Variants in COL23A1 observed in about 807,000 individuals in gnomAD.
The protein encoded by COL23A1 is collagen alpha-1(XXIII) chain.
Under a neutral mutation model 99.3 loss-of-function variants are expected in COL23A1, and 97 were observed. The ratio of observed to expected loss-of-function variants is 0.98; its 90% CI spans 0.83 to 1.16. COL23A1 has a LOEUF of 1.16. Ranked by LOEUF, COL23A1 falls within the 50% of genes most tolerant of loss-of-function variation. The pLI is 0.00. For synonymous variants in COL23A1, 320 were observed against 308.2 expected (o/e 1.04, Z -0.40); for missense variants, 762 against 757.4 (o/e 1.01, Z -0.07).
Position 178,546,661 on chromosome 5 carries a change from C to T in COL23A1, c.361+14021G>A, listed in dbSNP as rs114456256. Among the ~76,000 whole-genome samples, 608 of 152,322 alleles carry T rather than the reference C, an allele frequency of 4.0e-3. 6 individuals carry two copies. Among genetic ancestry groups the T allele is most frequent in the African/African-American group, 0.014 (585 of 41,574 alleles). On this transcript the variant is annotated intron_variant, in intron 2 of 28. Transcript: ENST00000390654. ...CAGAGTGGGACTGGGATGAGGGAAC[C>T]AAATGCAAGGATGAAGGGAAAACAG...
chr5:178,246,421 C>G lies in COL23A1; in HGVS notation c.1329G>C (p.Ala443=), dbSNP rs574013195. Reference sequence around the variant, plus strand: ...GGCCGCTGGGGCCTCTCTCACCCGACGCACCCTTCTCTCCCTTTGCTCCAT... The same window carrying G: ...GGCCGCTGGGGCCTCTCTCACCCGAGGCACCCTTCTCTCCCTTTGCTCCAT... ...GLDGAKGEKG[A]SGERGPSGLP... is the part of the protein sequence containing the mutation. Residue 443 remains alanine (A), a synonymous_variant, in exon 23 of 29, where the codon GCG becomes GCC. Coordinates refer to ENST00000390654, the MANE Select transcript of COL23A1 (RefSeq NM_173465.4). 1.3e-6 allele frequency: 2 copies of G among 1,578,992 alleles called. No homozygotes were observed. The highest frequency in any genetic ancestry group is 2.7e-5 in the African/African-American group (2 of 74,376).
intron 16 of COL23A1, among the ~76,000 whole-genome samples, chr5:178,254,742 G>A (rs548398824): frequency 7.9e-5 from 12 of 152,262 alleles, no homozygotes; most frequent in Non-Finnish European, 1.5e-4. Flanking sequence ...TCGGGGCCAC[G>A]TGGGCCACAT....
At chr5:178,272,143 T>C (rs1756325692) in intron 5 of COL23A1, among the ~76,000 whole-genome samples, 1 of 152,210 alleles carries the variant, frequency 6.6e-6, no homozygotes, top group Non-Finnish European at 1.5e-5. Flanking sequence ...CTGCCTGGAG[T>C]GCCTTCCCTG....
In COL23A1 at chr5:178,471,935, T is replaced by C. The variant is rs185955923; in HGVS notation, c.361+88747A>G. 4.6e-5 allele frequency among the ~76,000 whole-genome samples: 7 copies of C among 152,274 alleles called. No homozygotes were observed. In the East Asian group the frequency reaches 1.2e-3, roughly 25 times the overall value. ...TCCTGTTGTGCTGTCGAATCGTCAG[T>C]AAGAAACTCTTCTTTCAAGCAGTTG... is the stretch of plus-strand genomic sequence containing the variant. On this transcript the variant is annotated intron_variant, in intron 2 of 28. Transcript: ENST00000390654.
intron 2 of COL23A1, among the ~76,000 whole-genome samples, chr5:178,482,930 G>C (rs573899344): frequency 6.6e-6 from 1 of 152,070 alleles, no homozygotes; most frequent in African/African-American, 2.4e-5. Flanking sequence ...AAAAGACTTA[G>C]GCTTAGTGGT....
intron 2 of COL23A1, among the ~76,000 whole-genome samples, chr5:178,556,853 T>C (rs1200982865): frequency 6.6e-6 from 1 of 151,628 alleles, no homozygotes; most frequent in Non-Finnish European, 1.5e-5. Context: ...CTCGGGAGGC[T>C]GAGGCAGGAG....
intron 16 of COL23A1, among the ~76,000 whole-genome samples, chr5:178,252,881 T>C (rs753250018): frequency 6.6e-6 from 1 of 152,236 alleles, no homozygotes; most frequent in Non-Finnish European, 1.5e-5. Flanking sequence ...TTCTTCACGA[T>C]GTTCCCCTGC....
intron 11 of COL23A1, among the ~76,000 whole-genome samples, chr5:178,260,396 A>G (rs963359247): frequency 6.6e-6 from 1 of 152,250 alleles, no homozygotes; most frequent in African/African-American, 2.4e-5. Flanking sequence ...ATGAAAGGTC[A>G]ATGTGTATTA....
chr5:178,523,257 CAGAGAGAGAGAGAG>C (rs70997610), intron 2 of COL23A1, among the ~76,000 whole-genome samples: 1 of 108,354 alleles, frequency 9.2e-6, no homozygotes, highest in East Asian at 2.4e-4. Context: ...GAGAGAGAGA[CAGAGAGAGAGAGAG>C]AGAGAGAGCG....
intron 2 of COL23A1, among the ~76,000 whole-genome samples, chr5:178,539,900 A>G (rs1263006914): frequency 1.3e-5 from 2 of 152,200 alleles, no homozygotes; most frequent in Admixed American, 1.3e-4. Flanking sequence ...CAACATATTA[A>G]AATAATATAT....
chr5:178,524,563 C>T (rs1244015360), intron 2 of COL23A1, among the ~76,000 whole-genome samples: 3 of 152,204 alleles, frequency 2.0e-5, no homozygotes, highest in Admixed American at 1.3e-4. Context: ...GGCAAAGGTC[C>T]TGGAAATGGT....
Position 178,589,907 on chromosome 5 carries a change from C to A in COL23A1, c.291G>T (p.Arg97=). 1 of 1,314,908 alleles carries A rather than the reference C, an allele frequency of 7.6e-7. No homozygotes were observed. The highest frequency in any genetic ancestry group is 9.6e-7 in the Non-Finnish European group (1 of 1,037,876). 81.5% of individuals were successfully genotyped at this position (1,314,908 alleles called of 1,614,324 possible). A position where few individuals can be genotyped will look rare whatever the true frequency, so the allele number is the denominator to read the frequency against. Residue 97 remains arginine (R), a synonymous_variant, in exon 1 of 29, where the codon CGG becomes CGT. Transcript: ENST00000390654. The surrounding 1 kb of genome is among the most constrained non-coding windows in gnomAD (Gnocchi z 5.4). ...AGCCACGCGCCAAGACGCTCACCTCCCGCAGCAGGCGCTCCAGGTGCGGCT... is the reference window on the plus strand; with the variant it reads ...AGCCACGCGCCAAGACGCTCACCTCACGCAGCAGGCGCTCCAGGTGCGGCT... ...WAEPHLERLL[R]EKLDGLAKIR...
intron 1 of COL23A1, among the ~76,000 whole-genome samples, chr5:178,588,640 A>T (rs1028299454): frequency 1.3e-5 from 2 of 152,198 alleles, no homozygotes; most frequent in South Asian, 4.1e-4. Context: ...ATGAAGCAGC[A>T]ATTTTACCCA....
Position 178,242,545 on chromosome 5 carries a change from T to C in COL23A1, c.1441-151A>G, listed in dbSNP as rs905958844. 5.3e-6 allele frequency: 4 copies of C among 748,016 alleles called. No individual in the cohort carries two copies. In the African/African-American group the frequency reaches 6.9e-5, roughly 13 times the overall value. 46.3% of individuals were successfully genotyped at this position (748,016 alleles called of 1,614,324 possible). On this transcript the variant is annotated intron_variant, in intron 25 of 28. Transcript: ENST00000390654. Reference sequence around the variant, plus strand: ...CTGGCCTAGCCCTAGCTGTAGGTGATACACTGCTGGGTACAAGGCTGATGT... The same window carrying C: ...CTGGCCTAGCCCTAGCTGTAGGTGACACACTGCTGGGTACAAGGCTGATGT...
At chr5:178,489,766 G>A (rs374151560) in intron 2 of COL23A1, among the ~76,000 whole-genome samples, 250 of 152,292 alleles carry the variant, frequency 1.6e-3, no homozygotes, top group African/African-American at 1.3e-3. Flanking sequence ...TCCGCTCCTC[G>A]ATACAGACCC....
chr5:178,357,766 ATGTATGTGTGTATGTGTATGTGTGTG>A (rs1397674481), intron 2 of COL23A1, among the ~76,000 whole-genome samples: 5 of 114,940 alleles, frequency 4.4e-5, no homozygotes, highest in African/African-American at 1.5e-4. Context: ...GTGTACGTGT[ATGTATGTGTGTATGTGTATGTGTGTG>A]TGTATGTGTG....
intron 2 of COL23A1, among the ~76,000 whole-genome samples, chr5:178,344,362 C>T (rs891963783): frequency 2.0e-5 from 3 of 152,022 alleles, no homozygotes; most frequent in Non-Finnish European, 4.4e-5. Flanking sequence ...TGTGGCCGGG[C>T]GTGGTGGCTC....
intron 2 of COL23A1, among the ~76,000 whole-genome samples, chr5:178,319,613 G>A (rs535412790): frequency 2.0e-5 from 3 of 152,302 alleles, no homozygotes; most frequent in Non-Finnish European, 2.9e-5. Context: ...GCTCCCAGCC[G>A]AGCTGACCCT....
chr5:178,321,805 T>C (rs188951706), intron 2 of COL23A1, among the ~76,000 whole-genome samples: 4 of 149,856 alleles, frequency 2.7e-5, no homozygotes, highest in Middle Eastern at 3.6e-3. Flanking sequence ...CCTTCCTTTT[T>C]AAGGCTGAAT....
Sources: allele counts gnomAD v4.1 joint callset (sites outside exome capture counted in the v4.1 genomes callset), GRCh38; gene constraint gnomAD v4.1.1; non-coding constraint Gnocchi (gnomAD v3.1); transcripts MANE v1.5; gene names NCBI Gene and HGNC (gene_info 2026-07-23, HGNC 2026-07-21).